Variants in RAB28 observed in about 807,000 individuals in gnomAD.
RAB28 encodes ras-related protein Rab-28.
In RAB28, 24 loss-of-function variants were observed where a neutral mutation model predicts 31.7. The ratio of observed to expected loss-of-function variants is 0.76; its 90% confidence interval spans 0.55 to 1.06. The LOEUF is 1.06. Ranked by LOEUF, RAB28 falls within the 50% of genes least tolerant of loss-of-function variation. RAB28 has a pLI of 0.00. For missense variants in RAB28, 254 were observed against 258.5 expected, an observed-to-expected ratio of 0.98 and a Z score of 0.12; for synonymous variants, 100 against 90.4, an observed-to-expected ratio of 1.11 and a Z score of -0.60.
intron 6 of RAB28, 106 bp from the exon 7 acceptor site, chr4:13,368,756 G>C (rs1728609127): frequency 1.2e-6 from 1 of 853,122 alleles, no homozygotes; most frequent in South Asian, 2.0e-5. Flanking sequence ...TCTGATGATG[G>C]ACACCATAAA....
chr4:13,376,767 C>A, intron 5 of RAB28, 145 bp from the exon 6 acceptor site: 3 of 473,960 alleles, frequency 6.3e-6, no homozygotes, highest in South Asian at 4.8e-5. Flanking sequence ...CTTTATTTGT[C>A]AAATGTAGCA....
chr4:13,389,244 TAACTA>T (rs1452321367), intron 4 of RAB28, among the ~76,000 whole-genome samples: 1 of 152,122 alleles, frequency 6.6e-6, no homozygotes, highest in African/African-American at 2.4e-5. Flanking sequence ...CTTATGAGGT[TAACTA>T]AACTAGTCAA....
At chr4:13,390,066 G>C (rs999248824) in intron 4 of RAB28, among the ~76,000 whole-genome samples, 1 of 152,128 alleles carries the variant, frequency 6.6e-6, no homozygotes, top group Non-Finnish European at 1.5e-5. Flanking sequence ...GAGCAACCAG[G>C]CAAGAGAAAG....
At chr4:13,463,425 T>C (rs142104683) in intron 3 of RAB28, among the ~76,000 whole-genome samples, 173 of 152,308 alleles carry the variant, frequency 1.1e-3, no homozygotes, top group African/African-American at 4.0e-3. Context: ...TGTGTATCTG[T>C]AGATAAACTT....
chr4:13,450,717 G>C (rs1262233349), intron 4 of RAB28, among the ~76,000 whole-genome samples: 1 of 151,822 alleles, frequency 6.6e-6, no homozygotes, highest in African/African-American at 2.4e-5. Context: ...AAGACTGGGT[G>C]GCTCCTTTAG....
chr4:13,460,174 G>A (rs1306734935), intron 4 of RAB28, among the ~76,000 whole-genome samples: 1 of 152,182 alleles, frequency 6.6e-6, no homozygotes, highest in Non-Finnish European at 1.5e-5. Flanking sequence ...TGTTTGGGCT[G>A]CCATAACAAA....
At chr4:13,398,589 T>C (rs1711574446) in intron 4 of RAB28, among the ~76,000 whole-genome samples, 1 of 151,992 alleles carries the variant, frequency 6.6e-6, no homozygotes, top group African/African-American at 2.4e-5. Context: ...CCATCCTGGC[T>C]AACACGGCGA....
chr4:13,429,101 C>T lies in RAB28; in HGVS notation c.391+31598G>A, dbSNP rs563326791. ...CTGGGATTACAGGCGTCTGCCACTA[C>T]GCCTAGCTAATTTTTTTTATTTTTA... is the stretch of plus-strand genomic sequence containing the variant. On this transcript the variant is annotated intron_variant, in intron 4 of 6. Coordinates refer to ENST00000330852, the MANE Select transcript of RAB28 (RefSeq NM_001017979.3). Among the ~76,000 whole-genome samples, 10 of 152,130 alleles carry T rather than the reference C, an allele frequency of 6.6e-5. No homozygotes were observed. In the East Asian group the frequency reaches 9.7e-4, roughly 15 times the overall value.
chr4:13,425,154 T>C (rs1713403444), intron 4 of RAB28, among the ~76,000 whole-genome samples: 1 of 152,216 alleles, frequency 6.6e-6, no homozygotes, highest in South Asian at 2.1e-4. Context: ...CCTTGGAACA[T>C]TTTCTTCATC....
chr4:13,370,437 G>A (rs780209827), intron 6 of RAB28: 20 of 780,182 alleles, frequency 2.6e-5, no homozygotes, highest in African/African-American at 7.6e-5. Flanking sequence ...AAGTATGGGC[G>A]ACTTACACAG....
At chr4:13,459,011 A>G (rs1000037647) in intron 4 of RAB28, among the ~76,000 whole-genome samples, 2 of 152,194 alleles carry the variant, frequency 1.3e-5, no homozygotes, top group African/African-American at 4.8e-5. Flanking sequence ...CTCACCCTCA[A>G]TCTGGGTGGG....
intron 2 of RAB28, 133 bp downstream of exon 2, chr4:13,479,297 C>T: frequency 3.2e-6 from 2 of 631,690 alleles, no homozygotes; most frequent in Non-Finnish European, 5.5e-6. Flanking sequence ...AGTTAACATC[C>T]CTAAGATAAA....
rs548911766 is a variant in RAB28, at chr4:13,474,806, T to C, written c.173-400A>G. On this transcript the variant is annotated intron_variant, in intron 2 of 6. Transcript: ENST00000330852. ...ATACTCAACCATCCAATCATACATA[T>C]GAATTCTGTCGTAGGTTCTAAACTC... is the stretch of plus-strand genomic sequence containing the variant. Among the ~76,000 whole-genome samples the C allele has an allele frequency of 1.7e-3, 254 of 151,772 alleles. 1 individual carries two copies. The highest frequency in any genetic ancestry group is 5.8e-3 in the African/African-American group (242 of 41,512).
chr4:13,416,276 G>C (rs1444675317), intron 4 of RAB28, among the ~76,000 whole-genome samples: 9 of 152,138 alleles, frequency 5.9e-5, no homozygotes, highest in Non-Finnish European at 1.3e-4. Context: ...GCCTTTATGA[G>C]CTGTAACACT....
At chr4:13,445,264 G>C (rs1437235427) in intron 4 of RAB28, among the ~76,000 whole-genome samples, 1 of 151,794 alleles carries the variant, frequency 6.6e-6, no homozygotes, top group Non-Finnish European at 1.5e-5. Context: ...GGTTATTCTA[G>C]TCAGCAGCTC....
intron 4 of RAB28, among the ~76,000 whole-genome samples, chr4:13,410,391 T>C (rs1270977154): frequency 6.6e-6 from 1 of 152,118 alleles, no homozygotes; most frequent in Non-Finnish European, 1.5e-5. Flanking sequence ...AGTACCTACC[T>C]ACCATTAGAA....
intron 6 of RAB28, among the ~76,000 whole-genome samples, chr4:13,375,362 A>G (rs1728877853): frequency 6.6e-6 from 1 of 152,194 alleles, no homozygotes; most frequent in Non-Finnish European, 1.5e-5. Context: ...TTTTAGACCC[A>G]CCACTATACT....
intron 4 of RAB28, among the ~76,000 whole-genome samples, chr4:13,395,611 A>G (rs1443751818): frequency 6.6e-6 from 1 of 151,924 alleles, no homozygotes; most frequent in Non-Finnish European, 1.5e-5. Context: ...GCATCCACCT[A>G]TATGACTACT....
At chr4:13,417,459 T>A (rs1331040040) in intron 4 of RAB28, among the ~76,000 whole-genome samples, 1 of 152,196 alleles carries the variant, frequency 6.6e-6, no homozygotes, top group Non-Finnish European at 1.5e-5. Context: ...CTGACCCCTA[T>A]GTAGCCTAAC....
Sources: gnomAD v4.1 joint callset for allele counts (sites outside exome capture counted in the v4.1 genomes callset) on GRCh38, gnomAD v4.1.1 for gene constraint, MANE v1.5 for transcripts, NCBI Gene and HGNC (gene_info 2026-07-23, HGNC 2026-07-21) for gene names.